The following RPN1 variants were observed in gnomAD, a reference collection of about 807,000 sequenced individuals.
RPN1 encodes ribophorin I.
Under a neutral mutation model 55.5 loss-of-function variants are expected in RPN1, and 12 were observed. The observed-to-expected ratio is 0.22, with a 90% CI of 0.14 to 0.35. RPN1 has a LOEUF of 0.35. Ranked by LOEUF, RPN1 falls within the 10% of genes least tolerant of loss-of-function variation. RPN1 has a pLI of 1.00. For synonymous variants in RPN1, 317 were observed against 305.9 expected (o/e 1.04, Z -0.38); for missense variants, 679 against 761.3 (o/e 0.89, Z 1.27).
Position 128,625,861 on chromosome 3 carries a change from T to G in RPN1, c.1275+13A>C. On this transcript the variant is annotated intron_variant, in intron 7 of 9. Coordinates refer to ENST00000296255, the MANE Select transcript of RPN1 (RefSeq NM_002950.4). Reference sequence around the variant, plus strand: ...GGAAGACGCCATGGAAGGCAAACAGTGGAGCCACTCACCACAATGTCCTGA... The same window carrying G: ...GGAAGACGCCATGGAAGGCAAACAGGGGAGCCACTCACCACAATGTCCTGA... 1 of 1,604,326 alleles carries G rather than the reference T, an allele frequency of 6.2e-7. No individual in the cohort carries two copies. Among genetic ancestry groups the G allele is most frequent in the Non-Finnish European group, 8.5e-7 (1 of 1,175,642 alleles).
chr3:128,647,237 T>C (rs2069775629), intron 1 of RPN1, among the ~76,000 whole-genome samples: 1 of 152,126 alleles, frequency 6.6e-6, no homozygotes, highest in South Asian at 2.1e-4. Context: ...AGACTATCTT[T>C]TAGGACTGAA....
chr3:128,630,169 T>TAAAA, intron 4 of RPN1, 26 bp from the exon 5 acceptor site: 3 of 1,545,242 alleles, frequency 1.9e-6, no homozygotes, highest in Non-Finnish European at 2.7e-6. Flanking sequence ...TATGCCCTTC[T>TAAAA]AAAACTCCAG....
chr3:128,647,279 T>C (rs1391481724), intron 1 of RPN1, among the ~76,000 whole-genome samples: 2 of 152,200 alleles, frequency 1.3e-5, no homozygotes, highest in Non-Finnish European at 2.9e-5. Context: ...CAAAAAGCTG[T>C]ATTGGAGAAC....
In RPN1 at chr3:128,648,633, T is replaced by C. The variant is rs962008076; in HGVS notation, c.261+1907A>G. 3.9e-5 allele frequency among the ~76,000 whole-genome samples: 6 copies of C among 152,292 alleles called. No individual in the cohort carries two copies. The South Asian group carries it at 8.3e-4, about 21-fold the overall frequency. ...ACCTCATCAGTTTCCAACACAACTG[T>C]TGGAAAATATACATCTCCTTGTTAA... On this transcript the variant is annotated intron_variant, in intron 1 of 9. Transcript: ENST00000296255.
At chr3:128,625,749 A>G in intron 7 of RPN1, 96 bp from the exon 8 acceptor site, 1 of 1,579,620 alleles carries the variant, frequency 6.3e-7, no homozygotes, top group Non-Finnish European at 8.7e-7. Context: ...GCCCCACCCC[A>G]AGACCAGAAG....
chr3:128,624,834 C>CAA (rs368653462), intron 8 of RPN1, among the ~76,000 whole-genome samples: 5 of 144,798 alleles, frequency 3.5e-5, no homozygotes, highest in Non-Finnish European at 7.6e-5. Context: ...GACTCCATCT[C>CAA]AAAAAAAAAA....
At chr3:128,643,130 C>T (rs1443485148) in intron 2 of RPN1, among the ~76,000 whole-genome samples, 1 of 151,196 alleles carries the variant, frequency 6.6e-6, no homozygotes, top group East Asian at 2.0e-4. Context: ...AGTTGGAGAA[C>T]AGTCTGGCCA....
Position 128,650,789 on chromosome 3 carries a change from T to G in RPN1, c.12A>C (p.Pro4=), listed in dbSNP as rs541051957. 1.0e-3 allele frequency: 1,535 copies of G among 1,534,412 alleles called. 2 individuals carry two copies. The highest frequency in any genetic ancestry group is 1.2e-3 in the Non-Finnish European group (1,378 of 1,138,152). The change falls in exon 1 of 10, where the codon CCA becomes CCC. Residue 4 remains proline, a synonymous_variant. Transcript: ENST00000296255. MEA[P]AAGLFLLLLL... is the part of the protein sequence containing the mutation. ...ACAGGAGCAGAAACAAGCCGGCGGC[T>G]GGCGCCTCCATGACCGGGAAGAGCA...
intron 5 of RPN1, among the ~76,000 whole-genome samples, chr3:128,629,583 G>C (rs1174459510): frequency 6.6e-6 from 1 of 152,108 alleles, no homozygotes; most frequent in African/African-American, 2.4e-5. Flanking sequence ...AGACTTGAAA[G>C]AAAATATGAC....
intron 9 of RPN1, 44 bp downstream of exon 9, chr3:128,622,120 T>C (rs527399456): frequency 3.2e-5 from 51 of 1,604,514 alleles, no homozygotes; most frequent in Non-Finnish European, 4.3e-5. Context: ...CAGTGAGGCA[T>C]GGAGGGCCCC....
In RPN1 at chr3:128,632,012, G is replaced by A; in HGVS notation, c.779C>T (p.Pro260Leu). The A allele has an allele frequency of 6.2e-7, 1 of 1,614,190 alleles. No homozygotes were observed. Among genetic ancestry groups the A allele is most frequent in the Non-Finnish European group, 8.5e-7 (1 of 1,180,042 alleles). Residue 260 changes from proline to leucine, a missense_variant, in exon 4 of 10, where the codon CCT (proline) becomes CTT (leucine). Around this residue, in one of 3 missense-constraint regions of RPN1, gnomAD observed 352 missense variants for 352.8 expected, o/e 1.00. Coordinates refer to ENST00000296255, the MANE Select transcript of RPN1 (RefSeq NM_002950.4). Reference protein sequence around the residue: ...LKHTGAVLKGPFSRYDYQRQP... With the variant: ...LKHTGAVLKGLFSRYDYQRQP... ...TCTCTGGTAATCATAGCGTGAGAAA[G>A]GCCCCTTAAGCACAGCTCCTGTGTG...
In RPN1 at chr3:128,620,541, G is replaced by A. The variant is rs765517331; in HGVS notation, c.1694C>T (p.Ser565Leu). ...CACCAGGCGCTCAGCCTCCACCGCC[G>A]ACTTCAGCACCAGCTCCTTGACCTG... Reference protein sequence around the residue: ...DAQVKELVLKSAVEAERLVAG... With the variant: ...DAQVKELVLKLAVEAERLVAG... The change falls in exon 10 of 10, where the codon TCG becomes TTG. Residue 565 changes from serine to leucine, a missense_variant. Ser to Leu is a moderately radical substitution (Grantham distance 145). Around this residue, in one of 3 missense-constraint regions of RPN1, gnomAD observed 306 missense variants for 360.0 expected, o/e 0.85. Coordinates refer to ENST00000296255, the MANE Select transcript of RPN1 (RefSeq NM_002950.4). 60 of 1,613,994 alleles carry A rather than the reference G, an allele frequency of 3.7e-5. No individual in the cohort carries two copies. Among genetic ancestry groups the A allele is most frequent in the Non-Finnish European group, 4.6e-5 (54 of 1,180,006 alleles).
Position 128,632,039 on chromosome 3 carries a change from T to C in RPN1, c.752A>G (p.Lys251Arg), listed in dbSNP as rs376429671. ...CCCCTTAAGCACAGCTCCTGTGTGC[T>C]TTAAGTCCACATTTTCTTCCACAGC... ...NIAVEENVDL[K>R]HTGAVLKGPF... The change falls in exon 4 of 10, where the codon AAG becomes AGG. Residue 251 changes from lysine (K) to arginine (R), a missense_variant. Around this residue, in one of 3 missense-constraint regions of RPN1, gnomAD observed 352 missense variants for 352.8 expected, o/e 1.00. Transcript: ENST00000296255. 5 of 1,614,080 alleles carry C rather than the reference T, an allele frequency of 3.1e-6. No homozygotes were observed. Among genetic ancestry groups the C allele is most frequent in the Non-Finnish European group, 4.2e-6 (5 of 1,180,058 alleles).
chr3:128,641,455 AAC>A (rs1210198681), intron 2 of RPN1, among the ~76,000 whole-genome samples: 4 of 152,048 alleles, frequency 2.6e-5, no homozygotes, highest in Non-Finnish European at 4.4e-5. Flanking sequence ...CAGTTAACTA[AAC>A]ACACCATGAA....
In RPN1 at chr3:128,632,038, C is replaced by T; in HGVS notation, c.753G>A (p.Lys251=). The T allele has an allele frequency of 6.2e-7, 1 of 1,614,172 alleles. No individual in the cohort carries two copies. The highest frequency in any genetic ancestry group is 8.5e-7 in the Non-Finnish European group (1 of 1,180,050). ...NIAVEENVDL[K]HTGAVLKGPF... ...GCCCCTTAAGCACAGCTCCTGTGTG[C>T]TTTAAGTCCACATTTTCTTCCACAG... Residue 251 remains lysine (K), a synonymous_variant, in exon 4 of 10, where the codon AAG becomes AAA. Transcript: ENST00000296255.
intron 8 of RPN1, among the ~76,000 whole-genome samples, chr3:128,623,990 TACACAC>T (rs377398264): frequency 6.6e-6 from 1 of 150,826 alleles, no homozygotes; most frequent in Non-Finnish European, 1.5e-5. Context: ...CAGAAATAAT[TACACAC>T]ACACACACGC....
chr3:128,626,911 C>G (rs955133933), intron 5 of RPN1, 79 bp from the exon 6 acceptor site: 6 of 1,323,220 alleles, frequency 4.5e-6, no homozygotes, highest in Non-Finnish European at 6.5e-6. Flanking sequence ...CAGGGGCTCA[C>G]ATAAAGACAG....
At chr3:128,625,196 G>C (rs1427967276) in intron 8 of RPN1, among the ~76,000 whole-genome samples, 1 of 152,120 alleles carries the variant, frequency 6.6e-6, no homozygotes, top group Non-Finnish European at 1.5e-5. Context: ...TGGGGAGGGA[G>C]AGGGGACTAA....
At chr3:128,639,256 A>C (rs1047550091) in intron 2 of RPN1, among the ~76,000 whole-genome samples, 1 of 151,958 alleles carries the variant, frequency 6.6e-6, no homozygotes, top group African/African-American at 2.4e-5. Flanking sequence ...ATCAAGACCA[A>C]CCTGGCTAAC....
Sources: gnomAD v4.1 joint callset for allele counts (sites outside exome capture counted in the v4.1 genomes callset) on GRCh38, gnomAD v4.1.1 for gene constraint, gnomAD v4.1.1 regional missense constraint, MANE v1.5 for transcripts, NCBI Gene and HGNC (gene_info 2026-07-23, HGNC 2026-07-21) for gene names.